DGKB: variants seen among roughly 807,000 people sequenced by gnomAD.
The protein encoded by DGKB is 90 kDa diacylglycerol kinase.
DGKB carries 67 observed loss-of-function variants against 114.3 expected under a neutral mutation model. The ratio of observed to expected loss-of-function variants is 0.59; its 90% CI spans 0.48 to 0.72. DGKB has a LOEUF of 0.72. Ranked by LOEUF, DGKB falls within the 30% of genes least tolerant of loss-of-function variation. The probability of loss-of-function intolerance (pLI) is 0.00; values close to 1 mark genes in which losing one functional copy is unlikely to be tolerated. For synonymous variants in DGKB, 398 were observed against 323.1 expected (o/e 1.23, Z -2.49); for missense variants, 907 against 975.2 (o/e 0.93, Z 0.93).
chr7:14,394,768 T>C (rs1272535201), intron 21 of DGKB, among the ~76,000 whole-genome samples: 1 of 152,036 alleles, frequency 6.6e-6, no homozygotes, highest in African/African-American at 2.4e-5. Context: ...TAACTCAAGA[T>C]ATTCTAAGGA....
At chr7:14,498,386 T>A (rs1326750557) in intron 20 of DGKB, among the ~76,000 whole-genome samples, 1 of 151,800 alleles carries the variant, frequency 6.6e-6, no homozygotes, top group African/African-American at 2.4e-5. Context: ...ATCATAATGA[T>A]ACAAATTTAA....
At chr7:14,854,225 A>ATCT (rs1849797281) in intron 1 of DGKB, among the ~76,000 whole-genome samples, 1 of 152,190 alleles carries the variant, frequency 6.6e-6, no homozygotes, top group Admixed American at 6.5e-5. Flanking sequence ...GTAACTCTGG[A>ATCT]GCTTAATCTG....
chr7:14,349,231 T>A (rs1402305255), intron 21 of DGKB, among the ~76,000 whole-genome samples: 1 of 152,122 alleles, frequency 6.6e-6, no homozygotes, highest in African/African-American at 2.4e-5. Context: ...TGGTGATATT[T>A]GATTTTACTG....
chr7:14,682,083 C>A (rs932999014), intron 12 of DGKB, among the ~76,000 whole-genome samples: 2 of 152,020 alleles, frequency 1.3e-5, no homozygotes, highest in East Asian at 3.9e-4. Context: ...TCACTATGTA[C>A]TTAAATCATT....
chr7:14,334,471 G>C (rs1562957379), intron 23 of DGKB, among the ~76,000 whole-genome samples: 1 of 151,754 alleles, frequency 6.6e-6, no homozygotes, highest in Admixed American at 6.6e-5. Context: ...AGAGGAGGAA[G>C]AGAAGGAGGA....
intron 23 of DGKB, among the ~76,000 whole-genome samples, chr7:14,251,038 C>T (rs1453437229): frequency 1.3e-5 from 2 of 152,084 alleles, no homozygotes; most frequent in Admixed American, 1.3e-4. Context: ...TAAAGTGAGT[C>T]TCTTTTAGGA....
At chr7:14,784,883 T>A (rs995871) in intron 2 of DGKB, among the ~76,000 whole-genome samples, 57,400 of 151,780 alleles carry the variant, frequency 0.38, 15,755 homozygotes, top group African/African-American at 0.77. Context: ...TTGTGATCCC[T>A]ACAATATATT....
chr7:14,657,917 G>C lies in DGKB; in HGVS notation c.1134+15012C>G, dbSNP rs574753058. ...AGAAAGTTTCCATACTACTGGAGCT[G>C]TGAGAAAGAGACACACACCATACTT... On this transcript the variant is annotated intron_variant, in intron 13 of 25. Coordinates refer to ENST00000402815, the MANE Select transcript of DGKB (RefSeq NM_001350709.2). 2.0e-5 allele frequency among the ~76,000 whole-genome samples: 3 copies of C among 152,058 alleles called. No individual in the cohort carries two copies. The East Asian group carries it at 5.8e-4, about 29-fold the overall frequency.
intron 13 of DGKB, among the ~76,000 whole-genome samples, chr7:14,653,678 C>G (rs1489012028): frequency 6.6e-6 from 1 of 151,658 alleles, no homozygotes; most frequent in Non-Finnish European, 1.5e-5. Context: ...AGATAATTCA[C>G]CATGATCAAG....
At chr7:14,931,698 G>C (rs1180993358) in intron 1 of DGKB, among the ~76,000 whole-genome samples, 39 of 152,076 alleles carry the variant, frequency 2.6e-4, no homozygotes, top group Non-Finnish European at 1.0e-4. Flanking sequence ...CTCAGACCAC[G>C]GCTGTGGCAG....
intron 1 of DGKB, among the ~76,000 whole-genome samples, chr7:14,881,323 T>C (rs1276438203): frequency 3.9e-5 from 6 of 152,180 alleles, no homozygotes; most frequent in Non-Finnish European, 7.4e-5. Context: ...ATTTCCATAG[T>C]CCTGTCACCA....
chr7:14,621,516 TA>T, intron 14 of DGKB, 22 bp from the exon 15 acceptor site: 2 of 1,355,184 alleles, frequency 1.5e-6, no homozygotes, highest in Middle Eastern at 3.6e-4. Flanking sequence ...AAAATTTTGA[TA>T]AAAATAAAAA....
intron 2 of DGKB, among the ~76,000 whole-genome samples, chr7:14,766,441 G>A (rs1434065828): frequency 6.6e-6 from 1 of 151,786 alleles, no homozygotes; most frequent in Non-Finnish European, 1.5e-5. Context: ...AAGAGTCCCA[G>A]AGTTGTAGAT....
At chr7:14,938,119 T>C (rs1444383302) in intron 1 of DGKB, among the ~76,000 whole-genome samples, 1 of 152,308 alleles carries the variant, frequency 6.6e-6, no homozygotes, top group East Asian at 1.9e-4. Flanking sequence ...TACACAAGTA[T>C]TTAAGCAGGT....
chr7:14,387,097 ATTATTTATTTATTTATTTAT>A lies in DGKB; in HGVS notation c.1836-41726_1836-41707del, dbSNP rs140868127. ...AAAACAGTTTTGTTTGTTTCTTTTG[ATTATTTATTTATTTATTTAT>A]TTATTTATTTAAAGACAGTGTCTTG... On this transcript the variant is annotated intron_variant, in intron 21 of 25. Coordinates refer to ENST00000402815, the MANE Select transcript of DGKB (RefSeq NM_001350709.2). Among the ~76,000 whole-genome samples, 3 of 147,220 alleles carry A rather than the reference ATTATTTATTTATTTATTTAT, an allele frequency of 2.0e-5. No individual in the cohort carries two copies. In the East Asian group the frequency reaches 6.2e-4, roughly 30 times the overall value.
chr7:14,966,446 G>GTATATA (rs141065134), intron 1 of DGKB, among the ~76,000 whole-genome samples: 57 of 148,898 alleles, frequency 3.8e-4, no homozygotes, highest in Middle Eastern at 3.5e-3. Context: ...ATATTTGTGT[G>GTATATA]TATATATATA....
At chr7:14,739,165 T>C (rs1264653532) in intron 4 of DGKB, among the ~76,000 whole-genome samples, 2 of 152,094 alleles carry the variant, frequency 1.3e-5, no homozygotes, top group Non-Finnish European at 2.9e-5. Flanking sequence ...TATCTAACGA[T>C]AGAGGCAGGA....
intron 17 of DGKB, among the ~76,000 whole-genome samples, chr7:14,600,421 TC>T (rs1204616951): frequency 6.6e-6 from 1 of 152,150 alleles, no homozygotes. Context: ...GTAAAATACA[TC>T]CATTCTATCC....
chr7:14,901,836 G>A (rs572432587), intron 1 of DGKB, among the ~76,000 whole-genome samples: 2 of 152,262 alleles, frequency 1.3e-5, no homozygotes, highest in Admixed American at 1.3e-4. Context: ...TGAGCAACCA[G>A]TTGAAGTTGT....
Sources: allele counts gnomAD v4.1 joint callset (sites outside exome capture counted in the v4.1 genomes callset), GRCh38; gene constraint gnomAD v4.1.1; transcripts MANE v1.5; gene names NCBI Gene and HGNC (gene_info 2026-07-23, HGNC 2026-07-21).